HTR1F: variants seen among roughly 807,000 people sequenced by gnomAD.
The protein encoded by HTR1F is 5-hydroxytryptamine (serotonin) receptor 1F, G protein-coupled.
Under a neutral mutation model 24.0 loss-of-function variants are expected in HTR1F, and 17 were observed. The observed-to-expected ratio is 0.71, with a 90% CI of 0.48 to 1.06. The LOEUF is 1.06. Ranked by LOEUF, HTR1F falls within the 50% of genes least tolerant of loss-of-function variation. The pLI, the probability that HTR1F is intolerant of heterozygous loss-of-function variation, is 0.00. For synonymous variants in HTR1F, 186 were observed against 156.8 expected (o/e 1.19, Z -1.39); for missense variants, 391 against 427.8 (o/e 0.91, Z 0.76).
At chr3:87,912,257 G>A (rs1242447436) in intron 2 of HTR1F, among the ~76,000 whole-genome samples, 1 of 151,330 alleles carries the variant, frequency 6.6e-6, no homozygotes, top group Non-Finnish European at 1.5e-5. Flanking sequence ...GAAATCACTA[G>A]TATTGTTATA....
chr3:87,928,227 G>A (rs567146642), intron 2 of HTR1F, among the ~76,000 whole-genome samples: 8 of 151,958 alleles, frequency 5.3e-5, no homozygotes, highest in African/African-American at 1.7e-4. Flanking sequence ...TGTATTTTTA[G>A]TAGAGATGGG....
At chr3:87,816,181 C>T (rs960693299) in intron 1 of HTR1F, among the ~76,000 whole-genome samples, 3 of 151,992 alleles carry the variant, frequency 2.0e-5, no homozygotes, top group Non-Finnish European at 4.4e-5. Context: ...CTTCAGTAAC[C>T]TCCAAATTGA....
chr3:87,866,918 T>TTAC (rs1705442942), intron 2 of HTR1F, among the ~76,000 whole-genome samples: 1 of 151,678 alleles, frequency 6.6e-6, no homozygotes, highest in Non-Finnish European at 1.5e-5. Context: ...TACATTTCTT[T>TTAC]ATGGTCTCCC....
intron 2 of HTR1F, among the ~76,000 whole-genome samples, chr3:87,853,979 A>G (rs1369251940): frequency 6.6e-6 from 1 of 151,866 alleles, no homozygotes; most frequent in Non-Finnish European, 1.5e-5. Flanking sequence ...TGTCAGATGC[A>G]TGAATGACTG....
chr3:87,889,332 G>A (rs1706028191), intron 2 of HTR1F, among the ~76,000 whole-genome samples: 1 of 152,054 alleles, frequency 6.6e-6, no homozygotes, highest in African/African-American at 2.4e-5. Context: ...TCATAAAATT[G>A]TGAATGACTA....
intron 2 of HTR1F, among the ~76,000 whole-genome samples, chr3:87,926,701 A>T (rs1704134357): frequency 6.6e-6 from 1 of 152,252 alleles, no homozygotes; most frequent in African/African-American, 2.4e-5. Flanking sequence ...GCTAGAAAAA[A>T]ATCATTGACC....
chr3:87,815,941 A>G (rs1157804317), intron 1 of HTR1F, among the ~76,000 whole-genome samples: 3 of 152,102 alleles, frequency 2.0e-5, no homozygotes, highest in African/African-American at 7.2e-5. Context: ...CAATTATTCA[A>G]TGCAAGTTTT....
At chr3:87,869,054 A>ATAAT (rs1705487677) in intron 2 of HTR1F, among the ~76,000 whole-genome samples, 1 of 152,084 alleles carries the variant, frequency 6.6e-6, no homozygotes, top group African/African-American at 2.4e-5. Context: ...TGTATAAATA[A>ATAAT]TAATAAGATA....
intron 2 of HTR1F, among the ~76,000 whole-genome samples, chr3:87,890,520 G>T (rs1305635320): frequency 1.3e-5 from 2 of 149,012 alleles, no homozygotes. Context: ...TCTCCAGAAG[G>T]TGAAATTTAG....
chr3:87,857,925 C>T (rs982872139), intron 2 of HTR1F, among the ~76,000 whole-genome samples: 3 of 152,090 alleles, frequency 2.0e-5, no homozygotes, highest in African/African-American at 7.2e-5. Flanking sequence ...AATAATAACA[C>T]TATTATTTTT....
At chr3:87,960,444 C>T (rs890751861) in intron 2 of HTR1F, among the ~76,000 whole-genome samples, 13 of 151,766 alleles carry the variant, frequency 8.6e-5, no homozygotes, top group African/African-American at 2.7e-4. Context: ...ATAGCAAAAG[C>T]CAAAGGAAAT....
At chr3:87,951,537 T>C (rs1704833346) in intron 2 of HTR1F, among the ~76,000 whole-genome samples, 1 of 152,114 alleles carries the variant, frequency 6.6e-6, no homozygotes, top group Admixed American at 6.6e-5. Context: ...AAAAATTGAT[T>C]GGAAGTTACA....
intron 2 of HTR1F, among the ~76,000 whole-genome samples, chr3:87,967,173 G>C (rs748996463): frequency 6.6e-6 from 1 of 152,160 alleles, no homozygotes; most frequent in Non-Finnish European, 1.5e-5. Context: ...ACCTCAGCCA[G>C]GCACAGTGGC....
chr3:87,983,140 T>A (rs1206499122), intron 2 of HTR1F, among the ~76,000 whole-genome samples: 1 of 152,062 alleles, frequency 6.6e-6, no homozygotes, highest in African/African-American at 2.4e-5. Flanking sequence ...CACCCCTAAG[T>A]TGGACATGGA....
intron 2 of HTR1F, among the ~76,000 whole-genome samples, chr3:87,912,633 C>CAAA (rs35147140): frequency 7.1e-5 from 6 of 84,490 alleles, no homozygotes; most frequent in Non-Finnish European, 6.9e-5. Flanking sequence ...CAATCCTAGG[C>CAAA]AAAAAAAAAA....
chr3:87,935,847 A>G (rs1252892202), intron 2 of HTR1F, among the ~76,000 whole-genome samples: 1 of 150,828 alleles, frequency 6.6e-6, no homozygotes, highest in Admixed American at 6.6e-5. Flanking sequence ...ACATTTCCCC[A>G]CATTTTTAGG....
At chr3:87,980,499 G>A (rs182188290) in intron 2 of HTR1F, among the ~76,000 whole-genome samples, 1 of 152,182 alleles carries the variant, frequency 6.6e-6, no homozygotes, top group Non-Finnish European at 1.5e-5. Flanking sequence ...CCATGGGTGG[G>A]CCTGGAAAAA....
intron 2 of HTR1F, among the ~76,000 whole-genome samples, chr3:87,895,293 A>T (rs1706174999): frequency 6.6e-6 from 1 of 152,166 alleles, no homozygotes; most frequent in Non-Finnish European, 1.5e-5. Context: ...ATACACATTT[A>T]ATACACATTA....
intron 2 of HTR1F, among the ~76,000 whole-genome samples, chr3:87,847,038 C>T (rs1444494437): frequency 6.6e-6 from 1 of 150,604 alleles, no homozygotes; most frequent in Non-Finnish European, 1.5e-5. Flanking sequence ...ACAAAAATAG[C>T]CCAAACATTT....
Sources: gnomAD v4.1 joint callset for allele counts (sites outside exome capture counted in the v4.1 genomes callset) on GRCh38, gnomAD v4.1.1 for gene constraint, MANE v1.5 for transcripts, NCBI Gene and HGNC (gene_info 2026-07-23, HGNC 2026-07-21) for gene names.